The following CPA6 variants were observed in gnomAD, a reference collection of about 807,000 sequenced individuals.
CPA6 encodes carboxypeptidase A6, also known as carboxypeptidase B.
CPA6 carries 58 observed loss-of-function variants against 63.3 expected under a neutral mutation model. The observed-to-expected ratio is 0.92, with a 90% CI of 0.74 to 1.14. The LOEUF is 1.14. Ranked by LOEUF, CPA6 falls within the 50% of genes most tolerant of loss-of-function variation. CPA6 has a pLI of 0.00. For missense variants in CPA6, 565 were observed against 526.6 expected (o/e 1.07, Z -0.71); for synonymous variants, 185 against 179.0 (o/e 1.03, Z -0.27).
intron 1 of CPA6, among the ~76,000 whole-genome samples, chr8:67,688,809 C>G (rs1361277754): frequency 6.6e-6 from 1 of 152,052 alleles, no homozygotes; most frequent in Non-Finnish European, 1.5e-5. Context: ...AGAAGCAGCT[C>G]TTATGATCCT....
chr8:67,630,726 G>A (rs1422967187), intron 1 of CPA6, among the ~76,000 whole-genome samples: 1 of 152,218 alleles, frequency 6.6e-6, no homozygotes, highest in Non-Finnish European at 1.5e-5. Context: ...TGTGTGGAGG[G>A]AGAGGCACGG....
At chr8:67,726,216 A>G (rs1817594071) in intron 1 of CPA6, among the ~76,000 whole-genome samples, 1 of 152,212 alleles carries the variant, frequency 6.6e-6, no homozygotes, top group Non-Finnish European at 1.5e-5. Context: ...TGAAGTATAT[A>G]TAGATCACTG....
intron 2 of CPA6, among the ~76,000 whole-genome samples, chr8:67,604,323 T>A (rs1292163992): frequency 1.3e-5 from 2 of 152,230 alleles, no homozygotes; most frequent in Non-Finnish European, 2.9e-5. Context: ...AGACTGGCCC[T>A]TCTGCCTGGT....
intron 2 of CPA6, among the ~76,000 whole-genome samples, chr8:67,596,031 TC>T (rs1315824921): frequency 6.6e-6 from 1 of 152,168 alleles, no homozygotes; most frequent in Non-Finnish European, 1.5e-5. Context: ...TCTTGGCTCC[TC>T]CCCCCAGTGT....
chr8:67,430,556 T>C (rs896671037), intron 9 of CPA6, among the ~76,000 whole-genome samples: 1 of 152,160 alleles, frequency 6.6e-6, no homozygotes, highest in Non-Finnish European at 1.5e-5. Context: ...TTTTAAACAA[T>C]TTTCATCAAA....
chr8:67,577,233 C>T (rs1813650782), intron 2 of CPA6, among the ~76,000 whole-genome samples: 1 of 152,146 alleles, frequency 6.6e-6, no homozygotes, highest in African/African-American at 2.4e-5. Flanking sequence ...CCCTCAGTAC[C>T]ATGACCATTT....
At chr8:67,730,163 C>T (rs796213421) in intron 1 of CPA6, among the ~76,000 whole-genome samples, 3 of 152,318 alleles carry the variant, frequency 2.0e-5, no homozygotes, top group African/African-American at 7.2e-5. Context: ...ACTTCACATG[C>T]CAATCTCAAG....
chr8:67,506,954 T>C (rs1811943005), intron 5 of CPA6, 66 bp from the exon 6 acceptor site: 1 of 1,150,388 alleles, frequency 8.7e-7, no homozygotes, highest in Non-Finnish European at 1.3e-6. Flanking sequence ...CATAATTTAA[T>C]AAGGTTTCAG....
rs1563967934 is a variant in CPA6 at position 67,475,872 on chromosome 8, TTTCTTTCTCCTTTCTTTCTTTCTTTC to T, written c.838+7870_838+7895del. Among the ~76,000 whole-genome samples the T allele has an allele frequency of 2.2e-4, 20 of 90,354 alleles. 2 individuals carry two copies. The highest frequency in any genetic ancestry group is 8.9e-4 in the African/African-American group (20 of 22,376). 59.3% of individuals were successfully genotyped at this position (90,354 alleles called of 152,430 possible). On this transcript the variant is annotated intron_variant, in intron 8 of 10. Coordinates refer to ENST00000297770, the MANE Select transcript of CPA6 (RefSeq NM_020361.5). ...CTTTCTTTCTTTCTTTCTTTCTTTC[TTTCTTTCTCCTTTCTTTCTTTCTTTC>T]TTTCTTTCTTTCTTTCTTTCTTTCT...
chr8:67,730,254 T>C (rs1817681160), intron 1 of CPA6, among the ~76,000 whole-genome samples: 1 of 152,184 alleles, frequency 6.6e-6, no homozygotes, highest in Non-Finnish European at 1.5e-5. Context: ...GGTTATTTGC[T>C]AGGATGGCTC....
chr8:67,571,518 G>A lies in CPA6; in HGVS notation c.192+52658C>T, dbSNP rs371805747. 1.6e-4 allele frequency among the ~76,000 whole-genome samples: 25 copies of A among 152,018 alleles called. No individual in the cohort carries two copies. The East Asian group carries it at 3.5e-3, about 21-fold the overall frequency. On this transcript the variant is annotated intron_variant, in intron 2 of 10. Coordinates refer to ENST00000297770, the MANE Select transcript of CPA6 (RefSeq NM_020361.5). ...TATCAAATATTTTTTCAACCATAAC[G>A]GTATGAAACTAAAAACTAACAACAG...
At chr8:67,524,387 T>A (rs1194452513) in intron 2 of CPA6, among the ~76,000 whole-genome samples, 1 of 152,186 alleles carries the variant, frequency 6.6e-6, no homozygotes, top group Non-Finnish European at 1.5e-5. Flanking sequence ...AGTCCAGAAG[T>A]CCAAAATCAA....
intron 1 of CPA6, among the ~76,000 whole-genome samples, chr8:67,738,805 T>A (rs1817861552): frequency 6.6e-6 from 1 of 152,194 alleles, no homozygotes; most frequent in Admixed American, 6.5e-5. Context: ...TAGAGGCTGA[T>A]CGAGAAGCCA....
At position 67,607,237 on chromosome 8, in the gene CPA6, CTTCTT is replaced by C. The variant is rs1564021452; in HGVS notation, c.192+16934_192+16938del. On this transcript the variant is annotated intron_variant, in intron 2 of 10. Coordinates refer to ENST00000297770, the MANE Select transcript of CPA6 (RefSeq NM_020361.5). The stretch of plus-strand genomic sequence containing the variant: ...TCTTCTTCTTCTTCTTCTTCTTCTT[CTTCTT>C]CTTCTTCTTCTCCTCCTCCTCCTTT... Among the ~76,000 whole-genome samples, 49 of 116,806 alleles carry C rather than the reference CTTCTT, an allele frequency of 4.2e-4. 1 individual carries two copies. The highest frequency in any genetic ancestry group is 5.8e-4 in the Non-Finnish European group (33 of 56,872). 76.6% of individuals were successfully genotyped at this position (116,806 alleles called of 152,430 possible).
At chr8:67,579,174 G>T (rs1385544248) in intron 2 of CPA6, among the ~76,000 whole-genome samples, 1 of 152,090 alleles carries the variant, frequency 6.6e-6, no homozygotes, top group Admixed American at 6.5e-5. Context: ...ACTTTAGGAG[G>T]TCGAAGTAGG....
chr8:67,591,858 T>C (rs566532200), intron 2 of CPA6, among the ~76,000 whole-genome samples: 146 of 152,178 alleles, frequency 9.6e-4, no homozygotes, highest in African/African-American at 2.9e-3. Context: ...TTCCTCTTTT[T>C]CTAATTGAAT....
At chr8:67,424,740 C>T (rs2128950684) in intron 10 of CPA6, among the ~76,000 whole-genome samples, 1 of 152,324 alleles carries the variant, frequency 6.6e-6, no homozygotes, top group East Asian at 1.9e-4. Context: ...ATTGCCTCTA[C>T]CCGTGTATTA....
intron 2 of CPA6, among the ~76,000 whole-genome samples, chr8:67,549,170 T>C (rs543403490): frequency 2.0e-5 from 3 of 152,168 alleles, no homozygotes; most frequent in Non-Finnish European, 2.9e-5. Context: ...AGCAATCATA[T>C]TTATGCCTAC....
intron 1 of CPA6, among the ~76,000 whole-genome samples, chr8:67,652,645 T>C (rs1245511576): frequency 6.7e-6 from 1 of 150,176 alleles, no homozygotes; most frequent in Non-Finnish European, 1.5e-5. Flanking sequence ...ATTAGCCCTT[T>C]GTCAGATGAG....
Sources: gnomAD v4.1 joint callset for allele counts (sites outside exome capture counted in the v4.1 genomes callset) on GRCh38, gnomAD v4.1.1 for gene constraint, MANE v1.5 for transcripts, NCBI Gene and HGNC (gene_info 2026-07-23, HGNC 2026-07-21) for gene names.